Variants in NAV1 observed in about 807,000 individuals in gnomAD.
The protein encoded by NAV1 is pore membrane and/or filament interacting like protein 3.
In NAV1, 18 loss-of-function variants were observed where a neutral mutation model predicts 175.2. The ratio of observed to expected loss-of-function variants is 0.10; its 90% CI spans 0.07 to 0.15. The LOEUF is 0.15. NAV1 is among the 10% of genes least tolerant of loss of function. NAV1 has a pLI of 1.00. For synonymous variants in NAV1, 897 were observed against 978.7 expected (o/e 0.92, Z 1.56); for missense variants, 1,731 against 2,436.6 (o/e 0.71, Z 6.10).
At chr1:201,769,042 CTG>C (rs1394307697) in intron 3 of NAV1, among the ~76,000 whole-genome samples, 1 of 152,170 alleles carries the variant, frequency 6.6e-6, no homozygotes, top group East Asian at 1.9e-4. Context: ...AGTTTTGAGT[CTG>C]TATGTATTTA....
At chr1:201,621,332 CT>C (rs11422175), upstream of NAV1, among the ~76,000 whole-genome samples, 1,572 of 118,906 alleles carry the variant, frequency 0.013, 11 homozygotes, top group African/African-American at 0.021. Context: ...TCTTTTCTTT[CT>C]TTTTTTTTTT....
intron 1 of NAV1, among the ~76,000 whole-genome samples, chr1:201,653,527 G>A (rs1485195750): frequency 6.6e-6 from 1 of 152,138 alleles, no homozygotes; most frequent in African/African-American, 2.4e-5. Context: ...CAAGGGGGTC[G>A]CTCCAGTGAA....
chr1:201,649,395 C>A, exon 1 of NAV1: 1 of 1,582,432 alleles, frequency 6.3e-7, no homozygotes, highest in Non-Finnish European at 8.6e-7. Flanking sequence ...GCTGGGAGAC[C>A]TGGAGCAGCT....
At chr1:201,715,839 C>A (rs1048618627) in intron 2 of NAV1, among the ~76,000 whole-genome samples, 1 of 152,260 alleles carries the variant, frequency 6.6e-6, no homozygotes, top group South Asian at 2.1e-4. Context: ...TTTCCCCCAG[C>A]GAGGAGAGTC....
intron 2 of NAV1, among the ~76,000 whole-genome samples, chr1:201,613,660 C>A (rs993742600): frequency 6.6e-6 from 1 of 152,020 alleles, no homozygotes; most frequent in Non-Finnish European, 1.5e-5. Flanking sequence ...GTCAGGAGTT[C>A]GAGACCAGCC....
intron 3 of NAV1, among the ~76,000 whole-genome samples, chr1:201,752,823 A>G (rs566430631): frequency 6.6e-6 from 1 of 152,292 alleles, no homozygotes; most frequent in African/African-American, 2.4e-5. Context: ...CCAGATTTCC[A>G]TGGTGTGAGG....
Position 201,813,810 on chromosome 1 carries a change from C to CACTGTGGGAG in NAV1, c.5340+553_5340+562dup, listed in dbSNP as rs1214436707. 1.3e-5 allele frequency among the ~76,000 whole-genome samples: 2 copies of CACTGTGGGAG among 152,228 alleles called. No homozygotes were observed. Among genetic ancestry groups the CACTGTGGGAG allele is most frequent in the Non-Finnish European group, 2.9e-5 (2 of 68,044 alleles). ...TGGTGGGTCATGCCTGTAATCCCAG[C>CACTGTGGGAG]ACTGTGGGAGGCCGAGGCGGGCAGA... On this transcript the variant is annotated intron_variant, in intron 28 of 29. Transcript: ENST00000367296. This position sits in a 1 kb window ranked among gnomAD's most constrained non-coding sequence, Gnocchi z 4.2.
intron 11 of NAV1, 75 bp from the exon 16 acceptor site, chr1:201,790,479 G>A (rs772325585): frequency 1.3e-4 from 207 of 1,549,396 alleles, no homozygotes; most frequent in Non-Finnish European, 1.8e-4. Flanking sequence ...CCTGCCACTG[G>A]GACCTGACTT....
At chr1:201,684,940 C>T (rs1224312273) in intron 1 of NAV1, among the ~76,000 whole-genome samples, 2 of 144,316 alleles carry the variant, frequency 1.4e-5, no homozygotes, top group Non-Finnish European at 3.0e-5. Context: ...CCAGCCTGGG[C>T]GACAGAGCAA....
chr1:201,642,167 C>CCGTCCTTCCTTCCTTCCTTCCTTCCTT (rs1668780257), intron 2 of NAV1, among the ~76,000 whole-genome samples: 6 of 116,502 alleles, frequency 5.2e-5, no homozygotes, highest in African/African-American at 1.8e-4. Context: ...TCTCTCCCCT[C>CCGTCCTTCCTTCCTTCCTTCCTTCCTT]CCTTCCTTCC....
At chr1:201,635,707 T>C (rs548649860) in intron 2 of NAV1, among the ~76,000 whole-genome samples, 1 of 152,178 alleles carries the variant, frequency 6.6e-6, no homozygotes, top group Non-Finnish European at 1.5e-5. Flanking sequence ...TTACCCCCTA[T>C]ACCCAATACC....
intron 1 of NAV1, among the ~76,000 whole-genome samples, chr1:201,703,524 G>A (rs549862376): frequency 4.5e-4 from 68 of 151,984 alleles, no homozygotes; most frequent in Non-Finnish European, 8.1e-4. Flanking sequence ...AACAGGGCTC[G>A]AGGCCAGGCA....
At chr1:201,780,531 C>T in exon 4 of NAV1, 1 of 1,614,242 alleles carries the variant, frequency 6.2e-7, no homozygotes, top group South Asian at 1.1e-5. Context: ...AGTACTCCCA[C>T]TGCTTCTCGC....
intron 1 of NAV1, among the ~76,000 whole-genome samples, chr1:201,659,263 GC>G (rs1398021751): frequency 6.6e-6 from 1 of 152,216 alleles, no homozygotes; most frequent in Non-Finnish European, 1.5e-5. Flanking sequence ...GATCCAAGAA[GC>G]CTTCCTGAAG....
intron 28 of NAV1, among the ~76,000 whole-genome samples, chr1:201,816,665 G>C (rs1679048781): frequency 6.9e-6 from 1 of 144,518 alleles, no homozygotes; most frequent in Admixed American, 7.3e-5. Flanking sequence ...TTACATTTGA[G>C]GAAGTGCACT....
chr1:201,549,395 G>A (rs1471229474), intron 1 of NAV1, among the ~76,000 whole-genome samples: 1 of 151,924 alleles, frequency 6.6e-6, no homozygotes, highest in African/African-American at 2.4e-5. Flanking sequence ...TTTTTGTAGC[G>A]AGGGGGTTTT....
intron 29 of NAV1, among the ~76,000 whole-genome samples, chr1:201,818,585 A>G (rs1679207688): frequency 6.6e-6 from 1 of 152,126 alleles, no homozygotes; most frequent in South Asian, 2.1e-4. Flanking sequence ...GCAAATGGCC[A>G]ATAAAAACAT....
intron 3 of NAV1, among the ~76,000 whole-genome samples, chr1:201,728,317 C>T (rs1025886933): frequency 2.0e-5 from 3 of 151,982 alleles, no homozygotes; most frequent in Admixed American, 6.6e-5. Context: ...GAAGTCCAGG[C>T]GCAGTGGCTC....
intron 2 of NAV1, among the ~76,000 whole-genome samples, chr1:201,596,222 T>C (rs1368099991): frequency 1.3e-5 from 2 of 152,272 alleles, no homozygotes; most frequent in Non-Finnish European, 2.9e-5. Flanking sequence ...TTTGCTGTTA[T>C]TATTTCTCTC....
Sources: allele counts gnomAD v4.1 joint callset (sites outside exome capture counted in the v4.1 genomes callset), GRCh38; gene constraint gnomAD v4.1.1; non-coding constraint Gnocchi (gnomAD v3.1); transcripts MANE v1.5; gene names NCBI Gene and HGNC (gene_info 2026-07-23, HGNC 2026-07-21).